Variants in CD47 observed in about 807,000 individuals in gnomAD.
The protein encoded by CD47 is leukocyte surface antigen CD47.
In CD47, 11 loss-of-function variants were observed where a neutral mutation model predicts 44.6. The ratio of observed to expected loss-of-function variants is 0.25; its 90% CI spans 0.16 to 0.41. CD47 has a LOEUF of 0.41. CD47 is among the 10% of genes least tolerant of loss of function. CD47 has a pLI of 1.00. For missense variants in CD47, 306 were observed against 386.7 expected (o/e 0.79, Z 1.75); for synonymous variants, 140 against 136.3 (o/e 1.03, Z -0.19).
chr3:108,047,842 G>A (rs978934609), intron 10 of CD47, among the ~76,000 whole-genome samples: 3 of 152,172 alleles, frequency 2.0e-5, no homozygotes, highest in African/African-American at 7.2e-5. Flanking sequence ...AGAGAATCTT[G>A]AAGATCATCG....
intron 2 of CD47, among the ~76,000 whole-genome samples, chr3:108,072,045 A>T (rs565206868): frequency 2.0e-5 from 3 of 152,370 alleles, no homozygotes; most frequent in South Asian, 4.1e-4. Context: ...AAAGGAAATT[A>T]AGATATTAAG....
intron 2 of CD47, among the ~76,000 whole-genome samples, chr3:108,074,506 G>C (rs1474028222): frequency 6.6e-6 from 1 of 151,934 alleles, no homozygotes. Flanking sequence ...TAGAGACAGG[G>C]TTTTATCATG....
At chr3:108,073,312 G>A (rs1043389047) in intron 2 of CD47, among the ~76,000 whole-genome samples, 1 of 151,906 alleles carries the variant, frequency 6.6e-6, no homozygotes, top group Non-Finnish European at 1.5e-5. Flanking sequence ...AAAGTAAGAG[G>A]TGCATTCGAT....
intron 3 of CD47, among the ~76,000 whole-genome samples, chr3:108,063,528 T>C (rs2079055700): frequency 6.6e-6 from 1 of 152,234 alleles, no homozygotes; most frequent in Admixed American, 6.5e-5. Context: ...AGGAATTTGA[T>C]ATAATAGATG....
At chr3:108,078,024 C>A (rs2079341468) in intron 2 of CD47, among the ~76,000 whole-genome samples, 1 of 151,954 alleles carries the variant, frequency 6.6e-6, no homozygotes, top group Non-Finnish European at 1.5e-5. Context: ...TGAGAGCGAA[C>A]CATTAACACA....
intron 9 of CD47, among the ~76,000 whole-genome samples, chr3:108,050,180 T>A (rs2078801462): frequency 6.6e-6 from 1 of 152,130 alleles, no homozygotes; most frequent in Admixed American, 6.6e-5. Flanking sequence ...TGCGGTGGCA[T>A]GATCTCAACT....
chr3:108,060,623 G>A (rs1368985134), intron 4 of CD47, 122 bp downstream of exon 4: 1 of 658,350 alleles, frequency 1.5e-6, no homozygotes, highest in Non-Finnish European at 2.7e-6. Context: ...AATTGCTATT[G>A]TTTAAGCCAC....
chr3:108,052,003 A>G (rs2078837343), intron 7 of CD47, 33 bp from the exon 8 acceptor site: 1 of 1,017,704 alleles, frequency 9.8e-7, no homozygotes, highest in Non-Finnish European at 1.5e-6. Context: ...ATATAAATTT[A>G]ATAAATGAAA....
intron 1 of CD47, among the ~76,000 whole-genome samples, chr3:108,082,936 G>A (rs1458600428): frequency 6.6e-6 from 1 of 151,938 alleles, no homozygotes; most frequent in Non-Finnish European, 1.5e-5. Flanking sequence ...CACTCTAGCT[G>A]TTAACTACAA....
intron 1 of CD47, among the ~76,000 whole-genome samples, chr3:108,085,972 C>T (rs2079513555): frequency 6.6e-6 from 1 of 152,028 alleles, no homozygotes; most frequent in Admixed American, 6.6e-5. Flanking sequence ...TTAAAAATCA[C>T]AAGAATGTGT....
intron 7 of CD47, 77 bp downstream of exon 7, chr3:108,057,400 G>T: frequency 1.4e-6 from 1 of 711,272 alleles, no homozygotes; most frequent in Non-Finnish European, 2.5e-6. Flanking sequence ...TAAACTGGAA[G>T]AACAAACTAA....
chr3:108,064,049 T>G (rs2079063441), intron 3 of CD47, among the ~76,000 whole-genome samples: 1 of 152,228 alleles, frequency 6.6e-6, no homozygotes, highest in Non-Finnish European at 1.5e-5. Context: ...GGTTGGTTCA[T>G]TCATCTGTTC....
intron 7 of CD47, chr3:108,052,952 A>C (rs1443406678): frequency 2.0e-5 from 3 of 152,928 alleles, no homozygotes; most frequent in Non-Finnish European, 4.4e-5. Context: ...TGGGCGACAG[A>C]GCGAGACTCC....
intron 10 of CD47, among the ~76,000 whole-genome samples, chr3:108,048,137 CCA>C: frequency 6.6e-6 from 1 of 151,230 alleles, no homozygotes; most frequent in East Asian, 1.9e-4. Flanking sequence ...CCATGCCATG[CCA>C]CAGTTACCAG....
intron 4 of CD47, among the ~76,000 whole-genome samples, chr3:108,059,855 T>C (rs2078979952): frequency 1.3e-5 from 2 of 152,152 alleles, no homozygotes; most frequent in African/African-American, 4.8e-5. Flanking sequence ...TGCCCCAAAG[T>C]CAAATCAATT....
chr3:108,073,577 CA>C (rs1419498724), intron 2 of CD47, among the ~76,000 whole-genome samples: 1 of 152,136 alleles, frequency 6.6e-6, no homozygotes, highest in African/African-American at 2.4e-5. Context: ...TTTGAGAAAC[CA>C]AAGGATGGCC....
chr3:108,063,875 CAA>C (rs2079061096), intron 3 of CD47, among the ~76,000 whole-genome samples: 1 of 152,112 alleles, frequency 6.6e-6, no homozygotes, highest in African/African-American at 2.4e-5. Context: ...ACATGCTTAA[CAA>C]AAAATGTATA....
intron 7 of CD47, chr3:108,055,588 T>G: frequency 7.8e-7 from 1 of 1,288,490 alleles, no homozygotes; most frequent in Non-Finnish European, 1.0e-6. Context: ...CAAGTTGATT[T>G]AAAAAGTTAA....
chr3:108,073,944 G>A (rs774911450), intron 2 of CD47, among the ~76,000 whole-genome samples: 6 of 152,164 alleles, frequency 3.9e-5, no homozygotes, highest in Admixed American at 2.6e-4. Flanking sequence ...TGGGGATCCC[G>A]AAACCATGAG....
Sources: gnomAD v4.1 joint callset for allele counts (sites outside exome capture counted in the v4.1 genomes callset) on GRCh38, gnomAD v4.1.1 for gene constraint, MANE v1.5 for transcripts, NCBI Gene and HGNC (gene_info 2026-07-23, HGNC 2026-07-21) for gene names.